SHTN1: variants seen among roughly 807,000 people sequenced by gnomAD.
SHTN1 encodes shootin 1.
In SHTN1, 42 loss-of-function variants were observed where a neutral mutation model predicts 83.1. The ratio of observed to expected loss-of-function variants is 0.51; its 90% confidence interval spans 0.39 to 0.65. SHTN1 has a LOEUF of 0.65. Ranked by LOEUF, SHTN1 falls within the 30% of genes least tolerant of loss-of-function variation. The probability of loss-of-function intolerance (pLI) is 0.00; values close to 1 mark genes in which losing one functional copy is unlikely to be tolerated. For synonymous variants in SHTN1, 224 were observed against 247.7 expected (o/e 0.90, Z 0.90); for missense variants, 622 against 737.8 (o/e 0.84, Z 1.82).
At chr10:116,919,667 AC>A (rs1304384103) in intron 12 of SHTN1, among the ~76,000 whole-genome samples, 1 of 152,196 alleles carries the variant, frequency 6.6e-6, no homozygotes, top group Non-Finnish European at 1.5e-5. Flanking sequence ...AAAAAATGAA[AC>A]AAAATTTAAA....
At chr10:117,042,800 G>A (rs1408188150) in intron 2 of SHTN1, among the ~76,000 whole-genome samples, 1 of 152,018 alleles carries the variant, frequency 6.6e-6, no homozygotes, top group East Asian at 1.9e-4. Context: ...ATTTTTAGTA[G>A]AGACGGGGTT....
chr10:116,959,778 T>C (rs7080702), intron 4 of SHTN1, among the ~76,000 whole-genome samples: 3,461 of 152,306 alleles, frequency 0.023, 125 homozygotes, highest in African/African-American at 0.078. Flanking sequence ...TGCTCTTTTA[T>C]GTCACACCAG....
At chr10:116,955,196 C>T (rs1051634923) in intron 4 of SHTN1, among the ~76,000 whole-genome samples, 22 of 149,006 alleles carry the variant, frequency 1.5e-4, no homozygotes, top group African/African-American at 5.4e-4. Flanking sequence ...AGTTATTCAA[C>T]TATTATCACC....
At chr10:116,983,045 T>C (rs996978246) in intron 1 of SHTN1, among the ~76,000 whole-genome samples, 1 of 151,902 alleles carries the variant, frequency 6.6e-6, no homozygotes, top group Non-Finnish European at 1.5e-5. Context: ...GAAGACTTCA[T>C]CTCTCAGATT....
chr10:116,965,794 C>T (rs1368792612), intron 3 of SHTN1, among the ~76,000 whole-genome samples: 3 of 152,094 alleles, frequency 2.0e-5, no homozygotes, highest in Admixed American at 1.3e-4. Flanking sequence ...TCTTTTTTCA[C>T]CCTCAAATGG....
intron 13 of SHTN1, among the ~76,000 whole-genome samples, chr10:116,915,115 T>C (rs543844844): frequency 6.6e-6 from 1 of 152,324 alleles, no homozygotes; most frequent in Admixed American, 6.5e-5. Context: ...GTTATTTGTT[T>C]GGTGTAACAG....
chr10:117,076,218 T>C (rs527801023), intron 1 of SHTN1, among the ~76,000 whole-genome samples: 1 of 151,210 alleles, frequency 6.6e-6, no homozygotes, highest in Non-Finnish European at 1.5e-5. Context: ...TGTTAGATAT[T>C]ATATATGAAA....
At chr10:117,045,205 TCTC>T (rs1852643734) in intron 2 of SHTN1, among the ~76,000 whole-genome samples, 2 of 151,986 alleles carry the variant, frequency 1.3e-5, no homozygotes, top group Admixed American at 1.3e-4. Flanking sequence ...CTGGAAATCT[TCTC>T]CTTAAAAGCA....
intron 1 of SHTN1, among the ~76,000 whole-genome samples, chr10:117,077,113 T>C (rs903254827): frequency 1.3e-5 from 2 of 152,186 alleles, no homozygotes; most frequent in African/African-American, 2.4e-5. Flanking sequence ...CAATCAAAAA[T>C]AGTAAAATGC....
At chr10:116,933,410 A>C (rs1849039877) in intron 9 of SHTN1, among the ~76,000 whole-genome samples, 1 of 151,780 alleles carries the variant, frequency 6.6e-6, no homozygotes, top group Non-Finnish European at 1.5e-5. Flanking sequence ...AAGTGAGTAC[A>C]TGCAGTGTTT....
chr10:116,996,216 T>C (rs536738459), intron 1 of SHTN1, among the ~76,000 whole-genome samples: 27 of 152,338 alleles, frequency 1.8e-4, no homozygotes, highest in African/African-American at 6.5e-4. Context: ...CACCCATTAC[T>C]AGATTCTAGC....
chr10:116,983,126 C>G (rs564377458), intron 1 of SHTN1, among the ~76,000 whole-genome samples: 1 of 152,302 alleles, frequency 6.6e-6, no homozygotes, highest in South Asian at 2.1e-4. Context: ...ATCCTAATGA[C>G]AGCCGAGCAC....
At chr10:116,900,571 T>C in intron 16 of SHTN1, 1 of 1,534,528 alleles carries the variant, frequency 6.5e-7, no homozygotes, top group African/African-American at 1.4e-5. Flanking sequence ...GAAAAATCTA[T>C]ACACACACAC....
At chr10:117,102,318 T>C (rs1384407808) in intron 1 of SHTN1, among the ~76,000 whole-genome samples, 1 of 152,142 alleles carries the variant, frequency 6.6e-6, no homozygotes, top group African/African-American at 2.4e-5. Context: ...TTTTACTAAG[T>C]CTCAGGCAGA....
chr10:117,065,321 CA>C (rs1288208990), intron 1 of SHTN1, among the ~76,000 whole-genome samples: 1 of 152,054 alleles, frequency 6.6e-6, no homozygotes, highest in East Asian at 1.9e-4. Context: ...CTTAAAGTAA[CA>C]TTAAAAAACA....
chr10:116,998,407 C>T (rs1251334619), intron 1 of SHTN1, among the ~76,000 whole-genome samples: 1 of 151,910 alleles, frequency 6.6e-6, no homozygotes. Flanking sequence ...GACTACAGTA[C>T]CACAAGATAT....
At chr10:116,888,808 A>G (rs1847244870) in intron 16 of SHTN1, among the ~76,000 whole-genome samples, 1 of 152,258 alleles carries the variant, frequency 6.6e-6, no homozygotes, top group Admixed American at 6.5e-5. Flanking sequence ...AATTTTTTTA[A>G]GACAACTACT....
chr10:116,979,493 C>T (rs1385377259), intron 1 of SHTN1, among the ~76,000 whole-genome samples, 185 bp from the exon 2 acceptor site: 3 of 152,148 alleles, frequency 2.0e-5, no homozygotes, highest in Non-Finnish European at 4.4e-5. Context: ...CACTCTGTTG[C>T]CCAGGCTGGT....
chr10:116,961,541 G>C lies in SHTN1; in HGVS notation c.173-1311C>G, dbSNP rs917261281. Reference sequence around the variant, plus strand: ...CATCTAATTATGACTTGATGAGCACGATACTTGCATTATCAACATTACTAC... The same window carrying C: ...CATCTAATTATGACTTGATGAGCACCATACTTGCATTATCAACATTACTAC... On this transcript the variant is annotated intron_variant, in intron 3 of 16. Transcript: ENST00000355371. 2.0e-5 allele frequency among the ~76,000 whole-genome samples: 3 copies of C among 151,962 alleles called. No homozygotes were observed. In the South Asian group the frequency reaches 6.2e-4, roughly 32 times the overall value.
Sources: gnomAD v4.1 joint callset for allele counts (sites outside exome capture counted in the v4.1 genomes callset) on GRCh38, gnomAD v4.1.1 for gene constraint, MANE v1.5 for transcripts, NCBI Gene and HGNC (gene_info 2026-07-23, HGNC 2026-07-21) for gene names.